Variants in AKAP3 observed in about 807,000 individuals in gnomAD.
AKAP3 encodes the protein A-kinase anchor protein 3.
In AKAP3, 27 loss-of-function variants were observed where a neutral mutation model predicts 57.2. The observed-to-expected ratio is 0.47, with a 90% CI of 0.35 to 0.65. AKAP3 has a LOEUF of 0.65. Among genes scored for constraint, AKAP3 ranks in the 30% least tolerant of loss-of-function variants. The pLI is 0.01. For missense variants in AKAP3, 959 were observed against 1,040.0 expected, an observed-to-expected ratio of 0.92 and a Z score of 1.07; for synonymous variants, 334 against 392.3, an observed-to-expected ratio of 0.85 and a Z score of 1.76.
chr12:4,637,206 T>G (rs1350912781), intron 4 of AKAP3, among the ~76,000 whole-genome samples: 1 of 152,204 alleles, frequency 6.6e-6, no homozygotes, highest in Non-Finnish European at 1.5e-5. Flanking sequence ...TCACTCCAAA[T>G]CCACCCTTCT....
chr12:4,627,535 T>C lies in AKAP3; in HGVS notation c.1367A>G (p.Glu456Gly). The change falls in exon 5 of 6, where the codon GAG (glutamate) becomes GGG (glycine). Residue 456 changes from glutamate (E) to glycine (G), a missense_variant. Coordinates refer to ENST00000228850, the MANE Select transcript of AKAP3 (RefSeq NM_001278309.2). ...AGTTTTATGCCACAAGGTAAGCCCCTCTTTGATAATGTGCTCACCCAGAGT... is the reference window on the plus strand; with the variant it reads ...AGTTTTATGCCACAAGGTAAGCCCCCCTTTGATAATGTGCTCACCCAGAGT... ...AKTLGEHIIKEGLTLWHKTQQ... is the reference protein window; with the variant it reads ...AKTLGEHIIKGGLTLWHKTQQ... The C allele has an allele frequency of 6.2e-7, 1 of 1,614,142 alleles. No homozygotes were observed. Among genetic ancestry groups the C allele is most frequent in the Non-Finnish European group, 8.5e-7 (1 of 1,179,968 alleles).
chr12:4,641,547 C>T (rs1222253458), intron 3 of AKAP3, among the ~76,000 whole-genome samples: 1 of 152,186 alleles, frequency 6.6e-6, no homozygotes, highest in Non-Finnish European at 1.5e-5. Flanking sequence ...GTTATCTTAA[C>T]AAGGAAGTTG....
At chr12:4,630,537 T>A (rs1945484698) in intron 4 of AKAP3, among the ~76,000 whole-genome samples, 1 of 152,236 alleles carries the variant, frequency 6.6e-6, no homozygotes, top group South Asian at 2.1e-4. Flanking sequence ...TGTTATCATG[T>A]CGGAGTTAAG....
intron 5 of AKAP3, among the ~76,000 whole-genome samples, chr12:4,622,954 TG>T (rs1945363541): frequency 6.6e-6 from 1 of 152,070 alleles, no homozygotes. Context: ...CATTAAAAAG[TG>T]GGCAAAGGAC....
chr12:4,632,320 A>G (rs7311845), intron 4 of AKAP3, among the ~76,000 whole-genome samples: 37,922 of 151,978 alleles, frequency 0.25, 5,319 homozygotes, highest in South Asian at 0.43. Context: ...AGTCGTCGTC[A>G]TGTGTAGTCG....
chr12:4,639,048 CT>C (rs2137446287), intron 3 of AKAP3, among the ~76,000 whole-genome samples: 1 of 152,302 alleles, frequency 6.6e-6, no homozygotes, highest in South Asian at 2.1e-4. Context: ...AAACATATTG[CT>C]TATACCTGCT....
chr12:4,646,386 T>G (rs1200334114), intron 1 of AKAP3, among the ~76,000 whole-genome samples: 6 of 152,032 alleles, frequency 3.9e-5, no homozygotes. Flanking sequence ...AAAAGTTATT[T>G]ATCGCTGGGC....
At chr12:4,647,618 T>C (rs1039550217) in intron 1 of AKAP3, among the ~76,000 whole-genome samples, 2 of 152,150 alleles carry the variant, frequency 1.3e-5, no homozygotes, top group Admixed American at 1.3e-4. Context: ...TAATTGGCAG[T>C]GTTATACAGG....
chr12:4,642,041 T>G (rs1403159004), intron 2 of AKAP3, 37 bp from the exon 3 acceptor site: 1 of 152,212 alleles, frequency 6.6e-6, no homozygotes, highest in African/African-American at 2.4e-5. Flanking sequence ...TGACTAATTT[T>G]ACAGATGGAA....
intron 3 of AKAP3, among the ~76,000 whole-genome samples, chr12:4,641,070 T>TTG (rs1397746328): frequency 1.5e-5 from 2 of 129,538 alleles, no homozygotes; most frequent in Admixed American, 1.7e-4. Context: ...TCCTTTTTTT[T>TTG]TTTTTTTTTT....
chr12:4,646,422 G>T (rs1945699192), intron 1 of AKAP3, among the ~76,000 whole-genome samples: 1 of 152,148 alleles, frequency 6.6e-6, no homozygotes, highest in South Asian at 2.1e-4. Context: ...TGTAATGCCA[G>T]CACTTTGGGA....
rs146958259 is a variant in AKAP3, at chr12:4,615,794, G to A, written c.2507C>T (p.Ala836Val). The change falls in exon 6 of 6, where the codon GCG (alanine) becomes GTG (valine). Residue 836 changes from alanine (A) to valine (V), a missense_variant. By Grantham distance (64) the Ala-to-Val change is moderately conservative. Coordinates refer to ENST00000228850, the MANE Select transcript of AKAP3 (RefSeq NM_001278309.2). ...CTGCAGCGGTGTGACATTCCCCACC[G>A]CCTCATTCAGCTGGCGCTCCTTCTC... The part of the protein sequence containing the change: ...RYEKERQLNE[A>V]VGNVTPLQLL... 27 of 1,614,036 alleles carry A rather than the reference G, an allele frequency of 1.7e-5. No individual in the cohort carries two copies. The East Asian group carries it at 1.8e-4, about 11-fold the overall frequency.
chr12:4,617,324 T>C (rs11614502), intron 5 of AKAP3, among the ~76,000 whole-genome samples: 57,838 of 152,126 alleles, frequency 0.38, 11,588 homozygotes, highest in East Asian at 0.74. Flanking sequence ...TCTAAAAGAA[T>C]TGCTAAAGGA....
At chr12:4,646,306 A>G (rs555627006) in intron 1 of AKAP3, among the ~76,000 whole-genome samples, 2 of 152,250 alleles carry the variant, frequency 1.3e-5, no homozygotes, top group African/African-American at 4.8e-5. Flanking sequence ...AATTCCAAGC[A>G]TGGCCACGAG....
chr12:4,639,189 T>C (rs540271394), intron 3 of AKAP3, among the ~76,000 whole-genome samples: 1 of 152,178 alleles, frequency 6.6e-6, no homozygotes, highest in South Asian at 2.1e-4. Context: ...TTTGAAAACA[T>C]GGCCAACTCT....
At chr12:4,628,952 A>G in intron 4 of AKAP3, 147 bp from the exon 5 acceptor site, 1 of 712,476 alleles carries the variant, frequency 1.4e-6, no homozygotes, top group Non-Finnish European at 2.2e-6. Context: ...TTAAGTACTC[A>G]CTGTGTATCA....
chr12:4,634,984 A>G (rs1565556785), intron 4 of AKAP3, among the ~76,000 whole-genome samples: 1 of 151,362 alleles, frequency 6.6e-6, no homozygotes, highest in African/African-American at 2.4e-5. Context: ...AGTAAATTCT[A>G]TTTTTTTTTC....
At chr12:4,646,314 G>A (rs1199796114) in intron 1 of AKAP3, among the ~76,000 whole-genome samples, 1 of 152,014 alleles carries the variant, frequency 6.6e-6, no homozygotes, top group Non-Finnish European at 1.5e-5. Context: ...GCATGGCCAC[G>A]AGATAATGAT....
chr12:4,627,624 A>T lies in AKAP3; in HGVS notation c.1278T>A (p.Ser426=), dbSNP rs145865244. 9 of 1,614,060 alleles carry T rather than the reference A, an allele frequency of 5.6e-6. No homozygotes were observed. The African/African-American group carries it at 1.1e-4, about 19-fold the overall frequency. The change falls in exon 5 of 6, where the codon TCT becomes TCA. Residue 426 remains serine, a synonymous_variant. Coordinates refer to ENST00000228850, the MANE Select transcript of AKAP3 (RefSeq NM_001278309.2). ...ACATTTTTTCTCTCAATTTAGTTTC[A>T]GATTTCATGGCAAAGTTCACATTTC... The part of the protein sequence containing the change: ...KNRNVNFAMK[S]ETKLREKMYS...
Sources: allele counts gnomAD v4.1 joint callset (sites outside exome capture counted in the v4.1 genomes callset), GRCh38; gene constraint gnomAD v4.1.1; transcripts MANE v1.5; gene names NCBI Gene and HGNC (gene_info 2026-07-23, HGNC 2026-07-21).